NYAP2: variants seen among roughly 807,000 people sequenced by gnomAD.
NYAP2 encodes the protein neuronal tyrosine-phosphorylated phosphoinositide-3-kinase adapter 2.
NYAP2 carries 23 observed loss-of-function variants against 50.4 expected under a neutral mutation model. The observed-to-expected ratio is 0.46, with a 90% CI of 0.33 to 0.65. NYAP2 has a LOEUF of 0.65. Ranked by LOEUF, NYAP2 falls within the 30% of genes least tolerant of loss-of-function variation. The pLI, the probability that NYAP2 is intolerant of heterozygous loss-of-function variation, is 0.02. For synonymous variants in NYAP2, 394 were observed against 365.2 expected, an observed-to-expected ratio of 1.08 and a Z score of -0.90; for missense variants, 885 against 861.0, an observed-to-expected ratio of 1.03 and a Z score of -0.35.
At chr2:225,398,770 A>G (rs1694811068), upstream of NYAP2, among the ~76,000 whole-genome samples, 1 of 152,060 alleles carries the variant, frequency 6.6e-6, no homozygotes, top group Non-Finnish European at 1.5e-5. Flanking sequence ...AAAATTAAAC[A>G]GATGTCCTGT....
chr2:225,596,083 A>T (rs1692591986), intron 5 of NYAP2, among the ~76,000 whole-genome samples: 1 of 152,018 alleles, frequency 6.6e-6, no homozygotes, highest in South Asian at 2.1e-4. Flanking sequence ...TGCAGTGGTG[A>T]TTCACAGGCA....
At position 225,461,949 on chromosome 2, in the gene NYAP2, G is replaced by A. The variant is rs887143762; in HGVS notation, c.222-51422G>A. The stretch of plus-strand genomic sequence containing the variant: ...CAGGTATCTTCTGTCACAGATTGCG[G>A]TATAATTGAATGTGGGTGTCTCAAC... On this transcript the variant is annotated intron_variant, in intron 3 of 6. Transcript: ENST00000636099. Among the ~76,000 whole-genome samples, 27 of 152,202 alleles carry A rather than the reference G, an allele frequency of 1.8e-4. 1 individual carries two copies. Among genetic ancestry groups the A allele is most frequent in the Middle Eastern group, 3.4e-3 (1 of 294 alleles).
At chr2:225,446,855 A>T (rs956848591) in intron 3 of NYAP2, among the ~76,000 whole-genome samples, 2 of 152,116 alleles carry the variant, frequency 1.3e-5, no homozygotes, top group Non-Finnish European at 2.9e-5. Context: ...ACAGTTTTTC[A>T]CTTACACAGA....
chr2:225,646,546 G>A (rs535294501), intron 6 of NYAP2, among the ~76,000 whole-genome samples: 1 of 152,060 alleles, frequency 6.6e-6, no homozygotes, highest in African/African-American at 2.4e-5. Context: ...AGCAGAACTC[G>A]GTCTCAAAAA....
At chr2:225,689,421 G>A in the NYAP2 span, among the ~76,000 whole-genome samples, 1 of 152,116 alleles carries the variant, frequency 6.6e-6, no homozygotes, top group African/African-American at 2.4e-5. Context: ...ATATCAACAT[G>A]TGATGTTTGT....
intron 3 of NYAP2, among the ~76,000 whole-genome samples, chr2:225,421,441 T>G (rs1010742807): frequency 2.6e-5 from 4 of 152,146 alleles, no homozygotes; most frequent in African/African-American, 9.7e-5. Flanking sequence ...AGATGACATT[T>G]TGTGATTTAC....
At chr2:225,489,152 T>C (rs1249921815) in intron 3 of NYAP2, among the ~76,000 whole-genome samples, 1 of 152,166 alleles carries the variant, frequency 6.6e-6, no homozygotes, top group Non-Finnish European at 1.5e-5. Context: ...TTCTCATATA[T>C]AAGAGGCTCC....
intron 6 of NYAP2, among the ~76,000 whole-genome samples, chr2:225,644,173 G>T (rs1352384018): frequency 1.3e-5 from 2 of 152,134 alleles, no homozygotes; most frequent in Non-Finnish European, 2.9e-5. Context: ...GTTTTGATTT[G>T]CATTTCTCTG....
At chr2:225,453,116 A>G (rs1224664725) in intron 3 of NYAP2, among the ~76,000 whole-genome samples, 1 of 152,204 alleles carries the variant, frequency 6.6e-6, no homozygotes, top group Non-Finnish European at 1.5e-5. Context: ...TTCTGTCTTT[A>G]TAGATTAAAA....
In NYAP2 at chr2:225,438,862, G is replaced by A. The variant is rs115689583; in HGVS notation, c.221+29761G>A. On this transcript the variant is annotated intron_variant, in intron 3 of 6. Coordinates refer to ENST00000636099, the Ensembl canonical transcript of NYAP2. ...ATAAATACATAAAGTAAGACCTACAGTATGAGTAGAAGAGTTTTCAAGGTC... is the reference window on the plus strand; with the variant it reads ...ATAAATACATAAAGTAAGACCTACAATATGAGTAGAAGAGTTTTCAAGGTC... Among the ~76,000 whole-genome samples, 1,085 of 152,336 alleles carry A rather than the reference G, an allele frequency of 7.1e-3. 11 individuals carry two copies. The highest frequency in any genetic ancestry group is 0.024 in the African/African-American group (1,014 of 41,568).
chr2:225,424,413 G>A (rs1219047316), intron 3 of NYAP2, among the ~76,000 whole-genome samples: 2 of 151,940 alleles, frequency 1.3e-5, no homozygotes, highest in African/African-American at 2.4e-5. Flanking sequence ...TCTAAGTACT[G>A]TAAGAAGAGT....
chr2:225,469,748 G>A (rs928536360), intron 3 of NYAP2, among the ~76,000 whole-genome samples: 2 of 151,686 alleles, frequency 1.3e-5, no homozygotes, highest in East Asian at 3.9e-4. Context: ...ACTAACACAA[G>A]AACAATAAAC....
chr2:225,543,599 C>T (rs1691515144), intron 4 of NYAP2, among the ~76,000 whole-genome samples: 1 of 151,904 alleles, frequency 6.6e-6, no homozygotes, highest in Admixed American at 6.6e-5. Flanking sequence ...TGTTTTACTC[C>T]ATTGTGGAAA....
intron 4 of NYAP2, among the ~76,000 whole-genome samples, chr2:225,520,863 C>T (rs1051235738): frequency 3.9e-5 from 6 of 152,044 alleles, no homozygotes; most frequent in Admixed American, 6.6e-5. Context: ...TTACCTTGGG[C>T]AGTATGGCCA....
chr2:225,622,218 G>A (rs1330608797), intron 5 of NYAP2, among the ~76,000 whole-genome samples: 1 of 152,060 alleles, frequency 6.6e-6, no homozygotes, highest in African/African-American at 2.4e-5. Flanking sequence ...TCTTTGTAGA[G>A]ACAGTGTCTC....
the NYAP2 span, chr2:225,702,487 T>C: frequency 6.6e-6 from 1 of 151,720 alleles, no homozygotes; most frequent in East Asian, 1.9e-4. Context: ...TACAATTGTG[T>C]TTACATATGG....
intron 3 of NYAP2, among the ~76,000 whole-genome samples, chr2:225,423,593 C>A (rs1157199102): frequency 6.6e-6 from 1 of 152,112 alleles, no homozygotes; most frequent in Admixed American, 6.6e-5. Flanking sequence ...ACAGATCTCT[C>A]ATATTGTGGC....
At chr2:225,471,458 G>A (rs1278412605) in intron 3 of NYAP2, among the ~76,000 whole-genome samples, 2 of 152,168 alleles carry the variant, frequency 1.3e-5, no homozygotes, top group Non-Finnish European at 2.9e-5. Context: ...CTGCGTGCAA[G>A]AAAATATTGA....
intron 4 of NYAP2, among the ~76,000 whole-genome samples, chr2:225,560,429 A>G (rs1157949709): frequency 2.6e-5 from 4 of 152,124 alleles, no homozygotes; most frequent in African/African-American, 9.7e-5. Flanking sequence ...TATTGTCTTG[A>G]GATCCATGCC....
Sources: gnomAD v4.1 joint callset for allele counts (sites outside exome capture counted in the v4.1 genomes callset) on GRCh38, gnomAD v4.1.1 for gene constraint, MANE v1.5 for transcripts, NCBI Gene and HGNC (gene_info 2026-07-23, HGNC 2026-07-21) for gene names.